BCL2: variants seen among roughly 807,000 people sequenced by gnomAD.
BCL2 encodes BCL2 apoptosis regulator, also known as apoptosis regulator Bcl-2.
A neutral mutation model predicts 14.2 loss-of-function variants in BCL2; 1 was observed. The ratio of observed to expected loss-of-function variants is 0.07; its 90% confidence interval spans 0.02 to 0.33. The LOEUF is 0.33. BCL2 is among the 10% of genes least tolerant of loss of function. The pLI is 0.99. For missense variants in BCL2, 247 were observed against 305.9 expected, an observed-to-expected ratio of 0.81 and a Z score of 1.44; for synonymous variants, 151 against 137.2, an observed-to-expected ratio of 1.10 and a Z score of -0.70.
intron 2 of BCL2, among the ~76,000 whole-genome samples, chr18:63,257,248 C>A (rs571693008): frequency 1.3e-5 from 2 of 152,194 alleles, no homozygotes; most frequent in Admixed American, 6.5e-5. Flanking sequence ...GAGACCCATG[C>A]GGCTACTGTG....
intron 2 of BCL2, among the ~76,000 whole-genome samples, chr18:63,193,681 C>T (rs1472752847): frequency 2.0e-5 from 3 of 151,622 alleles, no homozygotes; most frequent in East Asian, 1.9e-4. Flanking sequence ...CACACACACA[C>T]ATTTTCCGTA....
At chr18:63,268,402 C>T (rs1267363332) in intron 2 of BCL2, among the ~76,000 whole-genome samples, 2 of 152,208 alleles carry the variant, frequency 1.3e-5, no homozygotes, top group Non-Finnish European at 2.9e-5. Flanking sequence ...GGCAAGATTT[C>T]TGGAACAATT....
At chr18:63,255,377 C>G (rs576796348) in intron 2 of BCL2, among the ~76,000 whole-genome samples, 1 of 152,314 alleles carries the variant, frequency 6.6e-6, no homozygotes, top group South Asian at 2.1e-4. Flanking sequence ...TGGCCTATGT[C>G]CCAGGGGCTC....
intron 2 of BCL2, among the ~76,000 whole-genome samples, chr18:63,178,253 G>C (rs568037402): frequency 6.6e-6 from 1 of 152,166 alleles, no homozygotes; most frequent in Non-Finnish European, 1.5e-5. Flanking sequence ...GCTGTGGTCC[G>C]CCGCTGAACA....
intron 2 of BCL2, among the ~76,000 whole-genome samples, chr18:63,172,101 A>G (rs1330301525): frequency 6.6e-6 from 1 of 152,256 alleles, no homozygotes; most frequent in Non-Finnish European, 1.5e-5. Flanking sequence ...TATAAGGCAC[A>G]GGATGATTCT....
chr18:63,292,372 G>A (rs1234973146), intron 2 of BCL2, among the ~76,000 whole-genome samples: 1 of 152,130 alleles, frequency 6.6e-6, no homozygotes, highest in East Asian at 1.9e-4. Flanking sequence ...CAGCTTGGAT[G>A]AGACATGTTA....
At chr18:63,198,268 TGACACAGAGACACACATA>T (rs1401901826) in intron 2 of BCL2, among the ~76,000 whole-genome samples, 16 of 47,796 alleles carry the variant, frequency 3.3e-4, no homozygotes, top group African/African-American at 1.5e-3. Flanking sequence ...AGACACACAC[TGACACAGAGACACACATA>T]GACACAGAGA....
At chr18:63,172,500 G>A (rs180718807) in intron 2 of BCL2, among the ~76,000 whole-genome samples, 93 of 152,240 alleles carry the variant, frequency 6.1e-4, no homozygotes, top group African/African-American at 2.0e-3. Flanking sequence ...GTGAATTCCC[G>A]GCCGGGCGTG....
intron 2 of BCL2, among the ~76,000 whole-genome samples, chr18:63,224,689 G>A (rs1910497623): frequency 6.6e-6 from 1 of 152,146 alleles, no homozygotes; most frequent in Non-Finnish European, 1.5e-5. Context: ...TGTAAAGGGA[G>A]TTTTATGAGA....
chr18:63,244,269 T>G (rs1359636235), intron 2 of BCL2, among the ~76,000 whole-genome samples: 1 of 152,096 alleles, frequency 6.6e-6, no homozygotes, highest in Admixed American at 6.6e-5. Flanking sequence ...TCCCAGCTAC[T>G]CGGGAGGCTG....
At chr18:63,132,571 G>A (rs1315647193) in intron 2 of BCL2, among the ~76,000 whole-genome samples, 1 of 152,168 alleles carries the variant, frequency 6.6e-6, no homozygotes, top group African/African-American at 2.4e-5. Context: ...CACATTATTA[G>A]AGTGTAGGGC....
At chr18:63,302,314 AAGAG>A (rs1255993261) in intron 2 of BCL2, 5 of 978,538 alleles carry the variant, frequency 5.1e-6, no homozygotes, top group South Asian at 4.7e-5. Flanking sequence ...AAAAAAAAAA[AAGAG>A]AGAGAAAGAG....
intron 2 of BCL2, among the ~76,000 whole-genome samples, chr18:63,290,412 G>A (rs1008918041): frequency 3.9e-5 from 6 of 152,198 alleles, no homozygotes; most frequent in African/African-American, 1.4e-4. Context: ...AGTCAAGACA[G>A]ACAGTATTAA....
chr18:63,287,094 C>A (rs868542752), intron 2 of BCL2, among the ~76,000 whole-genome samples: 1 of 152,166 alleles, frequency 6.6e-6, no homozygotes, highest in Non-Finnish European at 1.5e-5. Context: ...CTCTCTACTA[C>A]CCCCTTCTTG....
intron 2 of BCL2, among the ~76,000 whole-genome samples, chr18:63,248,363 T>A (rs1382362816): frequency 7.2e-5 from 11 of 152,260 alleles, no homozygotes; most frequent in Admixed American, 7.2e-4. Flanking sequence ...TGAGATGCCA[T>A]GTCCTTCACA....
chr18:63,161,038 A>AT (rs1263124394), intron 2 of BCL2, among the ~76,000 whole-genome samples: 1 of 152,030 alleles, frequency 6.6e-6, no homozygotes, highest in Non-Finnish European at 1.5e-5. Context: ...GGAGTTTTTA[A>AT]TTTTTTTTAA....
intron 2 of BCL2, among the ~76,000 whole-genome samples, chr18:63,144,773 T>C (rs1238856859): frequency 6.6e-6 from 1 of 152,146 alleles, no homozygotes; most frequent in Non-Finnish European, 1.5e-5. Context: ...CAAGCCGGTG[T>C]ATGCCGTCAG....
At position 63,133,258 on chromosome 18, in the gene BCL2, A is replaced by C. The variant is rs574146903; in HGVS notation, c.586-4499T>G. Reference sequence around the variant, plus strand: ...TCCTCACCCCTCCGGGCCATGGAGCACTCCCACCTGGGAGGCAGCCATCCT... The same window carrying C: ...TCCTCACCCCTCCGGGCCATGGAGCCCTCCCACCTGGGAGGCAGCCATCCT... On this transcript the variant is annotated intron_variant, in intron 2 of 2. Coordinates refer to ENST00000333681, the MANE Select transcript of BCL2 (RefSeq NM_000633.3). Among the ~76,000 whole-genome samples the C allele has an allele frequency of 7.4e-4, 106 of 143,894 alleles. 3 individuals carry two copies. Among genetic ancestry groups the C allele is most frequent in the African/African-American group, 2.6e-3 (102 of 38,618 alleles). 94.4% of individuals were successfully genotyped at this position (143,894 alleles called of 152,430 possible).
intron 2 of BCL2, among the ~76,000 whole-genome samples, chr18:63,188,774 A>G (rs1037532946): frequency 6.6e-6 from 1 of 152,052 alleles, no homozygotes; most frequent in African/African-American, 2.4e-5. Flanking sequence ...CCTTCCAGAA[A>G]ATGCTATGAA....
Sources: gnomAD v4.1 joint callset for allele counts (sites outside exome capture counted in the v4.1 genomes callset) on GRCh38, gnomAD v4.1.1 for gene constraint, MANE v1.5 for transcripts, NCBI Gene and HGNC (gene_info 2026-07-23, HGNC 2026-07-21) for gene names.